The following CRK variants were observed in gnomAD, a reference collection of about 807,000 sequenced individuals.
CRK encodes the protein adapter molecule crk.
A neutral mutation model predicts 29.8 loss-of-function variants in CRK; 4 were observed. The ratio of observed to expected loss-of-function variants is 0.13; its 90% CI spans 0.07 to 0.31. The LOEUF is 0.31. Ranked by LOEUF, CRK falls within the 10% of genes least tolerant of loss-of-function variation. The probability of loss-of-function intolerance (pLI) is 1.00; values close to 1 mark genes in which losing one functional copy is unlikely to be tolerated. For missense variants in CRK, 274 were observed against 396.5 expected (o/e 0.69, Z 2.62); for synonymous variants, 153 against 164.9 (o/e 0.93, Z 0.55).
At chr17:1,445,482 A>G (rs544265221) in intron 1 of CRK, among the ~76,000 whole-genome samples, 1 of 152,210 alleles carries the variant, frequency 6.6e-6, no homozygotes, top group African/African-American at 2.4e-5. Context: ...GATGATCGCA[A>G]AAGTTCCGAG....
chr17:1,423,723 T>A, intron 2 of CRK, 73 bp from the exon 3 acceptor site: 1 of 1,581,208 alleles, frequency 6.3e-7, no homozygotes, highest in Non-Finnish European at 8.6e-7. Flanking sequence ...ATTCTCTGGT[T>A]AGGCACACCC....
chr17:1,443,172 GGT>G (rs2073948421), intron 1 of CRK, among the ~76,000 whole-genome samples: 1 of 148,394 alleles, frequency 6.7e-6, no homozygotes, highest in African/African-American at 2.5e-5. Flanking sequence ...TAGAGATGGG[GGT>G]TTCACCACGT....
At chr17:1,424,222 G>A (rs1028609603) in intron 2 of CRK, among the ~76,000 whole-genome samples, 10 of 151,758 alleles carry the variant, frequency 6.6e-5, no homozygotes, top group East Asian at 1.9e-4. Flanking sequence ...GCCTGCCACC[G>A]TGCCCAGCTA....
At chr17:1,423,721 G>A in intron 2 of CRK, 71 bp from the exon 3 acceptor site, 1 of 1,584,106 alleles carries the variant, frequency 6.3e-7, no homozygotes, top group Non-Finnish European at 8.6e-7. Flanking sequence ...CCATTCTCTG[G>A]TTAGGCACAC....
chr17:1,429,649 G>C (rs111958330), intron 2 of CRK, among the ~76,000 whole-genome samples: 6 of 150,902 alleles, frequency 4.0e-5, no homozygotes, highest in South Asian at 2.1e-4. Flanking sequence ...AAAGAGGCCA[G>C]ACGCAGTGGC....
intron 1 of CRK, among the ~76,000 whole-genome samples, chr17:1,450,947 C>T (rs1329929201): frequency 4.0e-5 from 6 of 151,838 alleles, no homozygotes. Context: ...AATCCCAGCA[C>T]TTTAGGAGGC....
At chr17:1,424,070 T>G (rs987662262) in intron 2 of CRK, among the ~76,000 whole-genome samples, 1 of 145,992 alleles carries the variant, frequency 6.8e-6, no homozygotes, top group Non-Finnish European at 1.5e-5. Flanking sequence ...TTTCTCCGTT[T>G]TTTTTTTTTT....
intron 1 of CRK, among the ~76,000 whole-genome samples, chr17:1,454,227 T>G (rs1360248799): frequency 2.7e-5 from 4 of 150,468 alleles, no homozygotes; most frequent in African/African-American, 9.8e-5. Flanking sequence ...AAGAAATAAA[T>G]AAGAAAAATT....
At chr17:1,455,837 C>A (rs754943184) in intron 1 of CRK, 40 bp downstream of exon 1, 6 of 1,479,812 alleles carry the variant, frequency 4.1e-6, no homozygotes, top group South Asian at 1.3e-5. Flanking sequence ...TTCCGCGGCC[C>A]TCACCCCGCC....
chr17:1,449,427 G>T (rs891089556), intron 1 of CRK, among the ~76,000 whole-genome samples: 4 of 152,136 alleles, frequency 2.6e-5, no homozygotes, highest in African/African-American at 9.7e-5. Flanking sequence ...AATGCTTATG[G>T]AGTACTTAGT....
rs1296017818 is a variant in CRK, at chr17:1,420,868, T to C, written c.*2645A>G. 1.3e-5 allele frequency: 2 copies of C among 152,198 alleles called. No homozygotes were observed. The highest frequency in any genetic ancestry group is 2.9e-5 in the Non-Finnish European group (2 of 68,038). 9.4% of individuals were successfully genotyped at this position (152,198 alleles called of 1,614,324 possible). A position where few individuals can be genotyped will look rare whatever the true frequency, so the allele number is the denominator to read the frequency against. On this transcript the variant is annotated 3_prime_UTR_variant, in exon 3 of 3. Coordinates refer to ENST00000300574, the MANE Select transcript of CRK (RefSeq NM_016823.4). ...GTTTATATTTTATTTCAAATTGGTT[T>C]GCTTATCACCTATTTCAAACCATTA...
At chr17:1,434,059 T>C (rs1169708809) in intron 2 of CRK, among the ~76,000 whole-genome samples, 3 of 152,122 alleles carry the variant, frequency 2.0e-5, no homozygotes, top group Admixed American at 2.0e-4. Context: ...TCTGTTGTTT[T>C]ATCTATGATT....
chr17:1,430,863 C>T (rs768682039), intron 2 of CRK, among the ~76,000 whole-genome samples: 12 of 151,342 alleles, frequency 7.9e-5, no homozygotes, highest in African/African-American at 1.5e-4. Context: ...GTCAGCAGAT[C>T]GAGACCATCC....
At chr17:1,428,263 C>T (rs929072746) in intron 2 of CRK, among the ~76,000 whole-genome samples, 5 of 151,398 alleles carry the variant, frequency 3.3e-5, no homozygotes, top group East Asian at 2.0e-4. Flanking sequence ...GGACTACAGG[C>T]GCCCGCCACC....
intron 2 of CRK, among the ~76,000 whole-genome samples, chr17:1,436,169 A>G (rs2073884741): frequency 6.6e-6 from 1 of 152,114 alleles, no homozygotes; most frequent in Admixed American, 6.6e-5. Context: ...ATTAGTGGTA[A>G]GGAACTTCAA....
intron 2 of CRK, among the ~76,000 whole-genome samples, chr17:1,434,462 C>A (rs2073872224): frequency 6.6e-6 from 1 of 152,144 alleles, no homozygotes; most frequent in Non-Finnish European, 1.5e-5. Context: ...ACACATAGTA[C>A]ATATGTTTTA....
chr17:1,449,469 A>G (rs1261654437), intron 1 of CRK, among the ~76,000 whole-genome samples: 1 of 152,190 alleles, frequency 6.6e-6, no homozygotes, highest in Non-Finnish European at 1.5e-5. Flanking sequence ...TATCATTCCA[A>G]CAACCCTATG....
intron 1 of CRK, 76 bp downstream of exon 1, chr17:1,455,801 C>T (rs2074051643): frequency 2.1e-6 from 3 of 1,407,058 alleles, no homozygotes; most frequent in Middle Eastern, 2.4e-4. Flanking sequence ...GGTCCGCTCT[C>T]GAGGACCAGC....
intron 2 of CRK, among the ~76,000 whole-genome samples, chr17:1,430,999 C>T (rs1035326798): frequency 1.3e-5 from 2 of 151,932 alleles, no homozygotes; most frequent in East Asian, 2.0e-4. Flanking sequence ...ACCCTGGAGG[C>T]GGAGCTCGCA....
Sources: gnomAD v4.1 joint callset for allele counts (sites outside exome capture counted in the v4.1 genomes callset) on GRCh38, gnomAD v4.1.1 for gene constraint, MANE v1.5 for transcripts, NCBI Gene and HGNC (gene_info 2026-07-23, HGNC 2026-07-21) for gene names.